The following SEZ6L variants were observed in gnomAD, a reference collection of about 807,000 sequenced individuals.
The protein encoded by SEZ6L is seizure 6-like protein.
A neutral mutation model predicts 106.2 loss-of-function variants in SEZ6L; 37 were observed. The observed-to-expected ratio is 0.35, with a 90% confidence interval of 0.27 to 0.46. SEZ6L has a LOEUF of 0.46. SEZ6L is among the 20% of genes least tolerant of loss of function. The probability of loss-of-function intolerance (pLI) is 1.00; values close to 1 mark genes in which losing one functional copy is unlikely to be tolerated. For missense variants in SEZ6L, 1,172 were observed against 1,332.8 expected (o/e 0.88, Z 1.88); for synonymous variants, 541 against 570.4 (o/e 0.95, Z 0.73).
rs140163670 is a variant in SEZ6L at position 26,292,447 on chromosome 22, C to G, written c.136C>G (p.Leu46Val). The G allele has an allele frequency of 2.0e-4, 320 of 1,613,888 alleles. 4 individuals carry two copies. The Admixed American group carries it at 5.2e-3, about 26-fold the overall frequency. ...AGATGCTAGCCCTTTGGGTCCTTACCTCCTGCCCTCAGGAGCCCCGGAGAG... is the reference window on the plus strand; with the variant it reads ...AGATGCTAGCCCTTTGGGTCCTTACGTCCTGCCCTCAGGAGCCCCGGAGAG... ...EGDASPLGPY[L>V]LPSGAPERGS... is the part of the protein sequence containing the mutation. Residue 46 changes from leucine (L) to valine (V), a missense_variant, in exon 2 of 17, where the codon CTC (leucine) becomes GTC (valine). Transcript: ENST00000248933.
At chr22:26,234,511 G>A (rs929721516) in intron 1 of SEZ6L, among the ~76,000 whole-genome samples, 8 of 152,152 alleles carry the variant, frequency 5.3e-5, no homozygotes, top group African/African-American at 1.4e-4. Flanking sequence ...GAGAACGAAC[G>A]TCTTGCTCTC....
At chr22:26,194,545 G>A (rs771173993) in intron 1 of SEZ6L, among the ~76,000 whole-genome samples, 5 of 152,270 alleles carry the variant, frequency 3.3e-5, no homozygotes, top group Admixed American at 2.0e-4. Flanking sequence ...AATCCTGGCC[G>A]AGCTGATGAC....
chr22:26,351,477 C>T (rs1254405027), intron 12 of SEZ6L: 1 of 483,704 alleles, frequency 2.1e-6, no homozygotes, highest in African/African-American at 2.0e-5. Flanking sequence ...ACTCTTTCTT[C>T]CTCAAGTAGC....
chr22:26,289,554 C>T (rs1462993434), intron 1 of SEZ6L, among the ~76,000 whole-genome samples: 1 of 152,198 alleles, frequency 6.6e-6, no homozygotes, highest in African/African-American at 2.4e-5. Flanking sequence ...TGCCTGATGC[C>T]TGAATGACCT....
intron 3 of SEZ6L, among the ~76,000 whole-genome samples, chr22:26,295,065 A>G (rs759626505): frequency 1.1e-4 from 16 of 152,142 alleles, no homozygotes; most frequent in Non-Finnish European, 2.1e-4. Context: ...ATAATGCTCA[A>G]ACATCTGGGT....
In SEZ6L at chr22:26,292,745, C is replaced by T; in HGVS notation, c.434C>T (p.Ala145Val). 2 of 1,614,118 alleles carry T rather than the reference C, an allele frequency of 1.2e-6. No homozygotes were observed. Among genetic ancestry groups the T allele is most frequent in the Middle Eastern group, 1.6e-4 (1 of 6,062 alleles). Residue 145 changes from alanine to valine, a missense_variant, in exon 2 of 17, where the codon GCA becomes GTA. Around this residue, in one of 4 missense-constraint regions of SEZ6L, gnomAD observed 494 missense variants for 445.8 expected, o/e 1.11. Coordinates refer to ENST00000248933, the MANE Select transcript of SEZ6L (RefSeq NM_021115.5). ...ACCTCCGCAGCCACTGTCCAAAGGG[C>T]AGGGTCCCAGCCAGCGTCCCAGGGC... ...KATSAATVQR[A>V]GSQPASQGLD...
intron 1 of SEZ6L, among the ~76,000 whole-genome samples, chr22:26,252,767 G>A (rs1161715844): frequency 6.6e-6 from 1 of 152,182 alleles, no homozygotes; most frequent in African/African-American, 2.4e-5. Context: ...TTTGTTTATG[G>A]CTGCATAGTA....
In SEZ6L at chr22:26,378,282, G is replaced by T. The variant is rs76072209; in HGVS notation, c.3045+507G>T. Reference sequence around the variant, plus strand: ...ATGCCATCTGCTGGGCACTTTAAATGCATAATCTCCTTGAATCCTTGCAGC... The same window carrying T: ...ATGCCATCTGCTGGGCACTTTAAATTCATAATCTCCTTGAATCCTTGCAGC... On this transcript the variant is annotated intron_variant, in intron 16 of 16. Coordinates refer to ENST00000248933, the MANE Select transcript of SEZ6L (RefSeq NM_021115.5). 9.3e-3 allele frequency among the ~76,000 whole-genome samples: 1,409 copies of T among 152,226 alleles called. 19 individuals are homozygous for T. Among genetic ancestry groups the T allele is most frequent in the African/African-American group, 0.032 (1,336 of 41,532 alleles).
intron 1 of SEZ6L, among the ~76,000 whole-genome samples, chr22:26,236,690 A>G (rs2078967412): frequency 6.6e-6 from 1 of 152,194 alleles, no homozygotes; most frequent in Non-Finnish European, 1.5e-5. Context: ...AGAGAAACGA[A>G]GTGTTTTGAA....
intron 12 of SEZ6L, among the ~76,000 whole-genome samples, chr22:26,360,095 C>G (rs967408132): frequency 3.3e-5 from 5 of 152,186 alleles, no homozygotes; most frequent in African/African-American, 1.2e-4. Context: ...TGCCAGGACA[C>G]CAAACCAGTG....
chr22:26,180,474 A>C (rs1939319614), intron 1 of SEZ6L, among the ~76,000 whole-genome samples: 1 of 152,242 alleles, frequency 6.6e-6, no homozygotes, highest in African/African-American at 2.4e-5. Context: ...TGGATGAATC[A>C]ATGAATGAAT....
intron 11 of SEZ6L, among the ~76,000 whole-genome samples, chr22:26,349,127 A>G (rs1480724231): frequency 6.6e-6 from 1 of 152,156 alleles, no homozygotes; most frequent in African/African-American, 2.4e-5. Context: ...GGCCCCTTCT[A>G]TGTGGGACTG....
intron 1 of SEZ6L, among the ~76,000 whole-genome samples, chr22:26,184,946 T>A (rs1405678041): frequency 6.6e-6 from 1 of 152,156 alleles, no homozygotes; most frequent in Non-Finnish European, 1.5e-5. Flanking sequence ...TAGCCAGGCA[T>A]GAAGGCATAT....
chr22:26,252,376 A>C (rs2079627406), intron 1 of SEZ6L, among the ~76,000 whole-genome samples: 1 of 152,212 alleles, frequency 6.6e-6, no homozygotes, highest in Non-Finnish European at 1.5e-5. Context: ...CCTCAGATGA[A>C]GTTCTCAAAA....
rs187180520 is a variant in SEZ6L at position 26,354,263 on chromosome 22, C to T, written c.2599+3020C>T. ...ATTAAGATGGGTGTTGATCCAATGACTGGTGTCTTTGTAAGAAGAGGGAAA... is the reference window on the plus strand; with the variant it reads ...ATTAAGATGGGTGTTGATCCAATGATTGGTGTCTTTGTAAGAAGAGGGAAA... On this transcript the variant is annotated intron_variant, in intron 12 of 16. Coordinates refer to ENST00000248933, the MANE Select transcript of SEZ6L (RefSeq NM_021115.5). 1.2e-4 allele frequency among the ~76,000 whole-genome samples: 18 copies of T among 152,296 alleles called. No homozygotes were observed. The East Asian group carries it at 2.9e-3, about 24-fold the overall frequency.
At chr22:26,243,908 A>G (rs1249303378) in intron 1 of SEZ6L, among the ~76,000 whole-genome samples, 1 of 152,052 alleles carries the variant, frequency 6.6e-6, no homozygotes, top group Non-Finnish European at 1.5e-5. Flanking sequence ...CACACCGGTA[A>G]TCCCAGCACT....
At chr22:26,302,076 A>G (rs2081471042) in intron 5 of SEZ6L, among the ~76,000 whole-genome samples, 1 of 152,214 alleles carries the variant, frequency 6.6e-6, no homozygotes, top group African/African-American at 2.4e-5. Context: ...TCAGGGAGAT[A>G]AGATTACCAC....
intron 9 of SEZ6L, among the ~76,000 whole-genome samples, chr22:26,328,950 G>A (rs1228734526): frequency 5.9e-5 from 9 of 152,140 alleles, no homozygotes; most frequent in Non-Finnish European, 2.9e-5. Flanking sequence ...CTAATTCCCA[G>A]TCTCCACCCC....
chr22:26,189,144 T>C (rs1940005331), intron 1 of SEZ6L, among the ~76,000 whole-genome samples: 1 of 152,206 alleles, frequency 6.6e-6, no homozygotes, highest in Non-Finnish European at 1.5e-5. Context: ...AAAATTGATA[T>C]TGTCAAGTAC....
Sources: allele counts gnomAD v4.1 joint callset (sites outside exome capture counted in the v4.1 genomes callset), GRCh38; gene constraint gnomAD v4.1.1; regional missense constraint gnomAD v4.1.1; transcripts MANE v1.5; gene names NCBI Gene and HGNC (gene_info 2026-07-23, HGNC 2026-07-21).